The following TCF7L1 variants were observed in gnomAD, a reference collection of about 807,000 sequenced individuals.
TCF7L1 encodes transcription factor 7-like 1.
In TCF7L1, 18 loss-of-function variants were observed where a neutral mutation model predicts 63.7. That is an observed-to-expected ratio of 0.28 (90% CI 0.20 to 0.42). The LOEUF (loss-of-function observed/expected upper bound fraction) is 0.42. Among genes scored for constraint, TCF7L1 ranks in the 10% least tolerant of loss-of-function variants. TCF7L1 has a pLI of 1.00. For synonymous variants in TCF7L1, 355 were observed against 340.9 expected, an observed-to-expected ratio of 1.04 and a Z score of -0.46; for missense variants, 654 against 779.3, an observed-to-expected ratio of 0.84 and a Z score of 1.91.
chr2:85,291,998 T>TAAGGGAGAATGGGAACATTTCAA (rs1573029156), intron 4 of TCF7L1, among the ~76,000 whole-genome samples: 3 of 39,624 alleles, frequency 7.6e-5, no homozygotes, highest in Admixed American at 2.5e-4. Context: ...TATGTATTTT[T>TAAGGGAGAATGGGAACATTTCAA]TTTTTTTTTT....
intron 3 of TCF7L1, among the ~76,000 whole-genome samples, chr2:85,213,868 A>C (rs1679628345): frequency 6.6e-6 from 1 of 152,174 alleles, no homozygotes; most frequent in Non-Finnish European, 1.5e-5. Context: ...TCACAGCTCC[A>C]ACCCACTGCC....
chr2:85,207,193 G>A (rs956354833), intron 3 of TCF7L1, among the ~76,000 whole-genome samples: 1 of 152,130 alleles, frequency 6.6e-6, no homozygotes, highest in Non-Finnish European at 1.5e-5. Context: ...TGTAAATAAA[G>A]TTAATACTTG....
intron 3 of TCF7L1, among the ~76,000 whole-genome samples, chr2:85,152,434 TC>T (rs1574080675): frequency 4.8e-5 from 4 of 83,012 alleles, no homozygotes; most frequent in South Asian, 1.1e-3. Context: ...ATTCTCTCTC[TC>T]TCTTTTTTTT....
chr2:85,268,591 G>A lies in TCF7L1; in HGVS notation c.442-14904G>A, dbSNP rs368741562. ...TGAGTAGCTGGGATTACAGGCGCCC[G>A]CCACCATGCCCGGCTAGTTTTTGTA... On this transcript the variant is annotated intron_variant, in intron 3 of 11. Coordinates refer to ENST00000282111, the MANE Select transcript of TCF7L1 (RefSeq NM_031283.3). Among the ~76,000 whole-genome samples, 302 of 149,648 alleles carry A rather than the reference G, an allele frequency of 2.0e-3. 1 individual carries two copies. The highest frequency in any genetic ancestry group is 7.0e-3 in the African/African-American group (286 of 40,858).
At chr2:85,189,082 GTAAA>G (rs1678992204) in intron 3 of TCF7L1, among the ~76,000 whole-genome samples, 1 of 152,182 alleles carries the variant, frequency 6.6e-6, no homozygotes, top group Non-Finnish European at 1.5e-5. Context: ...GTGCAACAGT[GTAAA>G]TAGACTTCTC....
intron 3 of TCF7L1, among the ~76,000 whole-genome samples, chr2:85,181,729 T>C (rs971381644): frequency 3.3e-5 from 5 of 152,128 alleles, no homozygotes; most frequent in African/African-American, 9.7e-5. Flanking sequence ...CTGAGACCAT[T>C]GGTTCCTTTG....
intron 3 of TCF7L1, among the ~76,000 whole-genome samples, chr2:85,185,960 AT>A (rs67142055): frequency 0.089 from 8,447 of 94,546 alleles, 124 homozygotes; most frequent in African/African-American, 0.17. Flanking sequence ...AACACAGGGG[AT>A]TTTTTTTTTT....
chr2:85,207,291 C>G (rs1274538877), intron 3 of TCF7L1, among the ~76,000 whole-genome samples: 1 of 152,136 alleles, frequency 6.6e-6, no homozygotes, highest in African/African-American at 2.4e-5. Context: ...TGGCCTGACC[C>G]TTGTTGTCTT....
chr2:85,134,403 A>T lies in TCF7L1; in HGVS notation c.394A>T (p.Ser132Cys), dbSNP rs1278851566. 6.4e-7 allele frequency: 1 copy of T among 1,568,408 alleles called. No individual in the cohort carries two copies. The highest frequency in any genetic ancestry group is 1.9e-5 in the Admixed American group (1 of 54,026). ...CTTCCTGATGATCCCGGACCTGAGC[A>T]GCCCGTACCTCTCCAACGGACCCCT... ...YPFLMIPDLS[S>C]PYLSNGPLSP... The change falls in exon 3 of 12, where the codon AGC becomes TGC. Residue 132 changes from serine (S) to cysteine (C), a missense_variant. By Grantham distance (112) the Ser-to-Cys change is moderately radical (BLOSUM62 -1). Around this residue, in one of 3 missense-constraint regions of TCF7L1, gnomAD observed 404 missense variants for 454.8 expected, o/e 0.89. Coordinates refer to ENST00000282111, the MANE Select transcript of TCF7L1 (RefSeq NM_031283.3). This position sits in a 1 kb window ranked among gnomAD's most constrained non-coding sequence, Gnocchi z 5.0.
At chr2:85,197,866 G>A (rs1037356741) in intron 3 of TCF7L1, among the ~76,000 whole-genome samples, 4 of 152,182 alleles carry the variant, frequency 2.6e-5, no homozygotes. Context: ...TGCAAAGCAG[G>A]GTTCTAGAAG....
chr2:85,272,384 TA>T lies in TCF7L1; in HGVS notation c.442-11107del, dbSNP rs1207621705. ...AAGAAAAATATGAAAAAGGAACTAA[TA>T]AAATTGCCTGAAATGTTAAAAATCC... On this transcript the variant is annotated intron_variant, in intron 3 of 11. Coordinates refer to ENST00000282111, the MANE Select transcript of TCF7L1 (RefSeq NM_031283.3). 2.0e-5 allele frequency among the ~76,000 whole-genome samples: 3 copies of T among 152,192 alleles called. No homozygotes were observed. The South Asian group carries it at 6.2e-4, about 31-fold the overall frequency.
At chr2:85,300,573 T>A (rs1406638422) in intron 4 of TCF7L1, among the ~76,000 whole-genome samples, 8 of 152,044 alleles carry the variant, frequency 5.3e-5, no homozygotes, top group Non-Finnish European at 1.2e-4. Flanking sequence ...CCTCTCTGCT[T>A]GGCACACTGA....
intron 3 of TCF7L1, among the ~76,000 whole-genome samples, chr2:85,182,421 T>C (rs965891488): frequency 2.6e-5 from 4 of 152,160 alleles, no homozygotes; most frequent in Admixed American, 6.5e-5. Context: ...GCAGCTGCTC[T>C]CTGATCCTGG....
chr2:85,216,212 G>A (rs1679703554), intron 3 of TCF7L1, among the ~76,000 whole-genome samples: 1 of 152,154 alleles, frequency 6.6e-6, no homozygotes, highest in Non-Finnish European at 1.5e-5. Context: ...GTATGAGCAA[G>A]TTTGGGCCCT....
intron 3 of TCF7L1, among the ~76,000 whole-genome samples, chr2:85,231,663 G>A (rs976739104): frequency 1.6e-4 from 25 of 152,020 alleles, no homozygotes; most frequent in African/African-American, 5.1e-4. Flanking sequence ...TCGTTTTTCC[G>A]GCACCCATGT....
intron 3 of TCF7L1, among the ~76,000 whole-genome samples, chr2:85,260,796 G>GA (rs1336762105): frequency 3.9e-5 from 6 of 152,128 alleles, no homozygotes; most frequent in Non-Finnish European, 8.8e-5. Flanking sequence ...GATACAGAAG[G>GA]AAAAAAGAAA....
intron 3 of TCF7L1, among the ~76,000 whole-genome samples, chr2:85,218,646 G>C (rs1052054961): frequency 4.0e-5 from 6 of 150,192 alleles, no homozygotes; most frequent in South Asian, 2.1e-4. Flanking sequence ...CAATGGGGGG[G>C]GGAAAACTGG....
intron 3 of TCF7L1, among the ~76,000 whole-genome samples, chr2:85,263,271 C>G (rs1333953808): frequency 7.1e-6 from 1 of 141,236 alleles, no homozygotes; most frequent in Non-Finnish European, 1.5e-5. Flanking sequence ...TTAATGCCCA[C>G]TGAGCAGGCA....
intron 10 of TCF7L1, 61 bp from the exon 11 acceptor site, chr2:85,307,581 C>T (rs1573036508): frequency 1.4e-6 from 2 of 1,415,716 alleles, no homozygotes; most frequent in East Asian, 2.3e-5. Context: ...GATCTGGGAG[C>T]CCCTGAGAAG....
Sources: gnomAD v4.1 joint callset for allele counts (sites outside exome capture counted in the v4.1 genomes callset) on GRCh38, gnomAD v4.1.1 for gene constraint, gnomAD v4.1.1 regional missense constraint, Gnocchi (gnomAD v3.1) non-coding constraint, MANE v1.5 for transcripts, NCBI Gene and HGNC (gene_info 2026-07-23, HGNC 2026-07-21) for gene names.